The following PXDNL variants were observed in gnomAD, a reference collection of about 807,000 sequenced individuals.
PXDNL encodes peroxidasin like, also known as probable oxidoreductase PXDNL.
A neutral mutation model predicts 150.8 loss-of-function variants in PXDNL; 145 were observed. The ratio of observed to expected loss-of-function variants is 0.96; its 90% CI spans 0.84 to 1.10. PXDNL has a LOEUF of 1.10. Among genes scored for constraint, PXDNL ranks in the 50% least tolerant of loss-of-function variants. The probability of loss-of-function intolerance (pLI) is 0.00; values close to 1 mark genes in which losing one functional copy is unlikely to be tolerated. For synonymous variants in PXDNL, 757 were observed against 725.7 expected, an observed-to-expected ratio of 1.04 and a Z score of -0.69; for missense variants, 2,087 against 1,873.9, an observed-to-expected ratio of 1.11 and a Z score of -2.10.
chr8:51,556,321 C>T (rs1330713591), intron 4 of PXDNL, among the ~76,000 whole-genome samples: 1 of 151,946 alleles, frequency 6.6e-6, no homozygotes, highest in African/African-American at 2.4e-5. Flanking sequence ...TGGGGCAAAT[C>T]AGTTAACTAA....
chr8:51,337,970 G>C (rs1805878963), intron 21 of PXDNL, among the ~76,000 whole-genome samples: 1 of 151,606 alleles, frequency 6.6e-6, no homozygotes, highest in African/African-American at 2.4e-5. Context: ...CCTGAGGTCA[G>C]GAGTTTGAAA....
chr8:51,554,849 T>A (rs1003313390), intron 4 of PXDNL, among the ~76,000 whole-genome samples: 1 of 152,214 alleles, frequency 6.6e-6, no homozygotes, highest in Non-Finnish European at 1.5e-5. Flanking sequence ...AGTTTTACAC[T>A]TTCCCTACAG....
At chr8:51,606,040 T>C (rs1462464363) in intron 2 of PXDNL, among the ~76,000 whole-genome samples, 1 of 152,178 alleles carries the variant, frequency 6.6e-6, no homozygotes, top group Non-Finnish European at 1.5e-5. Context: ...TATTATCTTG[T>C]TATAGCAACA....
chr8:51,431,319 C>T (rs1350633647), intron 12 of PXDNL, among the ~76,000 whole-genome samples: 1 of 152,206 alleles, frequency 6.6e-6, no homozygotes, highest in Non-Finnish European at 1.5e-5. Context: ...ATCTCCACTG[C>T]TGTCTCTTTA....
At chr8:51,630,854 T>C (rs1429057066) in intron 2 of PXDNL, among the ~76,000 whole-genome samples, 2 of 152,114 alleles carry the variant, frequency 1.3e-5, no homozygotes, top group Non-Finnish European at 2.9e-5. Context: ...AGTTCAGCCA[T>C]TGGGGAAAGC....
intron 1 of PXDNL, among the ~76,000 whole-genome samples, chr8:51,805,786 G>C (rs1008121767): frequency 2.0e-5 from 3 of 152,074 alleles, no homozygotes; most frequent in Non-Finnish European, 4.4e-5. Flanking sequence ...GTGGTTTTTA[G>C]AGCATGTTCA....
rs1805266150 is a variant in PXDNL at position 51,319,941 on chromosome 8, G to C, written c.4342C>G (p.Pro1448Ala). ...GGCATTCCTCGGTCTCTGCAAACTGGACAGCAGGTTCCTTTCACCAATTCA... is the reference window on the plus strand; with the variant it reads ...GGCATTCCTCGGTCTCTGCAAACTGCACAGCAGGTTCCTTTCACCAATTCA... ...SPELVKGTCC[P>A]VCRDRGMPSD... The change falls in exon 23 of 23, where the codon CCA (proline) becomes GCA (alanine). Residue 1448 changes from proline (P) to alanine (A), a missense_variant. Coordinates refer to ENST00000356297, the MANE Select transcript of PXDNL (RefSeq NM_144651.5). 3 of 1,578,276 alleles carry C rather than the reference G, an allele frequency of 1.9e-6. No individual in the cohort carries two copies. The highest frequency in any genetic ancestry group is 2.6e-6 in the Non-Finnish European group (3 of 1,163,594).
chr8:51,698,201 T>C (rs149090472), intron 1 of PXDNL, among the ~76,000 whole-genome samples: 2 of 152,356 alleles, frequency 1.3e-5, no homozygotes, highest in African/African-American at 2.4e-5. Context: ...GACTCTTTCA[T>C]GAAGAATTTC....
At chr8:51,558,649 A>C (rs1322605411) in intron 3 of PXDNL, among the ~76,000 whole-genome samples, 1 of 152,138 alleles carries the variant, frequency 6.6e-6, no homozygotes, top group Non-Finnish European at 1.5e-5. Context: ...ATTTTATCTC[A>C]GATACACAGA....
chr8:51,634,403 T>C (rs1441157089), intron 2 of PXDNL, among the ~76,000 whole-genome samples: 1 of 152,114 alleles, frequency 6.6e-6, no homozygotes, highest in Non-Finnish European at 1.5e-5. Context: ...TAGTTTGAAG[T>C]TGGGTTATGT....
chr8:51,778,545 T>A (rs2037379986), intron 1 of PXDNL, among the ~76,000 whole-genome samples: 2 of 152,184 alleles, frequency 1.3e-5, no homozygotes, highest in Non-Finnish European at 2.9e-5. Flanking sequence ...AGGGATGTGA[T>A]GCTCATTATT....
At chr8:51,660,990 T>A (rs1241622829) in intron 1 of PXDNL, among the ~76,000 whole-genome samples, 1 of 152,144 alleles carries the variant, frequency 6.6e-6, no homozygotes, top group Admixed American at 6.5e-5. Flanking sequence ...TGGGACACTG[T>A]CGGGACACTG....
chr8:51,731,541 A>G (rs532330320), intron 1 of PXDNL, among the ~76,000 whole-genome samples: 3 of 152,328 alleles, frequency 2.0e-5, no homozygotes, highest in Non-Finnish European at 4.4e-5. Flanking sequence ...GGTCCGGAGG[A>G]CGGTGGCCCT....
chr8:51,610,549 T>C (rs2130712534), intron 2 of PXDNL, among the ~76,000 whole-genome samples: 1 of 152,338 alleles, frequency 6.6e-6, no homozygotes, highest in African/African-American at 2.4e-5. Context: ...TTATTAATTT[T>C]CTATTGCTAT....
intron 12 of PXDNL, 87 bp from the exon 13 acceptor site, chr8:51,426,845 TGCC>T: frequency 1.4e-6 from 1 of 737,606 alleles, no homozygotes; most frequent in Non-Finnish European, 2.3e-6. Flanking sequence ...TGAACCTGAA[TGCC>T]ATATTGGTTA....
intron 8 of PXDNL, among the ~76,000 whole-genome samples, chr8:51,471,782 G>C (rs4100064): frequency 0.21 from 31,074 of 151,444 alleles, 4,292 homozygotes; most frequent in African/African-American, 0.39. Context: ...CGCCTCCCGG[G>C]TTCACGCCAT....
chr8:51,751,447 C>T (rs759774853), intron 1 of PXDNL, among the ~76,000 whole-genome samples: 2 of 152,172 alleles, frequency 1.3e-5, no homozygotes, highest in Non-Finnish European at 2.9e-5. Context: ...TTCTCCATGA[C>T]AAATGAATAA....
At chr8:51,484,602 C>T (rs202234031) in intron 5 of PXDNL, among the ~76,000 whole-genome samples, 1 of 152,150 alleles carries the variant, frequency 6.6e-6, no homozygotes, top group East Asian at 1.9e-4. Context: ...TTGGGTGCTG[C>T]TATGGTTACT....
intron 1 of PXDNL, among the ~76,000 whole-genome samples, chr8:51,765,488 A>G (rs72642979): frequency 7.9e-5 from 12 of 152,274 alleles, no homozygotes; most frequent in Non-Finnish European, 1.3e-4. Context: ...ACTGACTAAT[A>G]CAACACTATT....
Sources: allele counts gnomAD v4.1 joint callset (sites outside exome capture counted in the v4.1 genomes callset), GRCh38; gene constraint gnomAD v4.1.1; transcripts MANE v1.5; gene names NCBI Gene and HGNC (gene_info 2026-07-23, HGNC 2026-07-21).